Variants in ZNF782 observed in about 807,000 individuals in gnomAD.
ZNF782 encodes the protein zinc finger protein 782.
In ZNF782, 12 loss-of-function variants were observed where a neutral mutation model predicts 13.0. The observed-to-expected ratio is 0.92, with a 90% CI of 0.59 to 1.50. The LOEUF (loss-of-function observed/expected upper bound fraction) is 1.50, where lower values mean the gene tolerates loss of function less well. ZNF782 is among the 40% of genes most tolerant of loss of function. The pLI is 0.00. For missense variants in ZNF782, 770 were observed against 822.9 expected (o/e 0.94, Z 0.79); for synonymous variants, 284 against 283.0 (o/e 1.00, Z -0.04).
chr9:96,860,074 G>A lies in ZNF782; in HGVS notation c.-207+167C>T, dbSNP rs745691297. Among the ~76,000 whole-genome samples, 30 of 152,236 alleles carry A rather than the reference G, an allele frequency of 2.0e-4. 1 individual carries two copies. The highest frequency in any genetic ancestry group is 4.1e-4 in the South Asian group (2 of 4,828). On this transcript the variant is annotated intron_variant, in intron 3 of 5. Transcript: ENST00000498811. ...AGGGGAGAGTGGGAAGGGATTTGCC[G>A]GGTGGATTCAGTGCCAGCTCAGCGA...
At chr9:96,876,251 T>C (rs1288185554), upstream of ZNF782, among the ~76,000 whole-genome samples, 1 of 152,226 alleles carries the variant, frequency 6.6e-6, no homozygotes, top group Non-Finnish European at 1.5e-5. Flanking sequence ...GGAGTTATAT[T>C]GGAAAATACT....
At chr9:96,873,699 C>T (rs957422867) in intron 1 of ZNF782, among the ~76,000 whole-genome samples, 2 of 152,070 alleles carry the variant, frequency 1.3e-5, no homozygotes, top group Non-Finnish European at 2.9e-5. Context: ...CCTTGTCTCA[C>T]ACACACACAC....
At chr9:96,933,370 CTTTT>C in the ZNF782 span, among the ~76,000 whole-genome samples, 1 of 149,646 alleles carries the variant, frequency 6.7e-6, no homozygotes, top group Non-Finnish European at 1.5e-5. Flanking sequence ...GGGTTTAGGT[CTTTT>C]TTGTTTGTTT....
chr9:96,922,871 G>A, the ZNF782 span, among the ~76,000 whole-genome samples: 10 of 150,018 alleles, frequency 6.7e-5, no homozygotes, highest in Admixed American at 1.3e-4. Context: ...CTCACCGGTA[G>A]CACAGGTCAC....
chr9:96,864,164 C>T (rs144435111), intron 1 of ZNF782, among the ~76,000 whole-genome samples: 7 of 149,198 alleles, frequency 4.7e-5, no homozygotes, highest in African/African-American at 1.5e-4. Flanking sequence ...TCAAACTGAG[C>T]AGCTCCTATT....
chr9:96,863,666 A>C (rs1851729826), intron 1 of ZNF782, among the ~76,000 whole-genome samples: 1 of 152,228 alleles, frequency 6.6e-6, no homozygotes, highest in Admixed American at 6.5e-5. Flanking sequence ...TGCACCACGG[A>C]ATACTGCTGA....
chr9:96,818,454 T>C lies in ZNF782; in HGVS notation c.1569A>G (p.Lys523=), dbSNP rs1289191367. The C allele has an allele frequency of 5.0e-6, 8 of 1,613,640 alleles. No homozygotes were observed. The highest frequency in any genetic ancestry group is 6.8e-6 in the Non-Finnish European group (8 of 1,179,886). The change falls in exon 6 of 6, where the codon AAA becomes AAG. Residue 523 remains lysine, a synonymous_variant. Transcript: ENST00000481138. ...TCTCCCCTGTGTGTGTTCTATGATG[T>C]TTCCTCAGGCCTGACTTCAGTTTGA... ...KAFKLKSGLR[K]HHRTHTGEKP...
chr9:96,901,420 C>T, the ZNF782 span, among the ~76,000 whole-genome samples: 1 of 150,806 alleles, frequency 6.6e-6, no homozygotes, highest in Non-Finnish European at 1.5e-5. Flanking sequence ...TACAGATGTG[C>T]ACCACCACGC....
At chr9:96,912,398 C>T in the ZNF782 span, among the ~76,000 whole-genome samples, 2 of 141,500 alleles carry the variant, frequency 1.4e-5, no homozygotes, top group African/African-American at 5.2e-5. Context: ...TAGTGGCGGG[C>T]GCCTGTAATC....
rs752116481 is a variant in ZNF782, at chr9:96,818,206, C to T, written c.1817G>A (p.Arg606Lys). The change falls in exon 6 of 6, where the codon AGA becomes AAA. Residue 606 changes from arginine to lysine, a missense_variant. Arg to Lys is a conservative substitution (Grantham distance 26, BLOSUM62 2). Transcript: ENST00000481138. Reference sequence around the variant, plus strand: ...CCCAGTGTGAGTTCTCTGATGCCCTCTGAGATTTGATTTCTGCCTGAATGT... The same window carrying T: ...CCCAGTGTGAGTTCTCTGATGCCCTTTGAGATTTGATTTCTGCCTGAATGT... The part of the protein sequence containing the change: ...GKTFRQKSNL[R>K]GHQRTHTGEK... 1.9e-6 allele frequency: 3 copies of T among 1,613,716 alleles called. No individual in the cohort carries two copies. The highest frequency in any genetic ancestry group is 2.5e-6 in the Non-Finnish European group (3 of 1,179,906).
chr9:96,865,351 T>C (rs1851744323), intron 1 of ZNF782, among the ~76,000 whole-genome samples: 1 of 152,214 alleles, frequency 6.6e-6, no homozygotes, highest in Admixed American at 6.5e-5. Context: ...GTTCTCATGA[T>C]AGTGAATAAG....
the ZNF782 span, among the ~76,000 whole-genome samples, chr9:96,882,135 G>A: frequency 3.3e-5 from 5 of 151,766 alleles, no homozygotes; most frequent in African/African-American, 4.8e-5. Context: ...TATAGATTGA[G>A]GTGACTAAAG....
chr9:96,925,186 C>T, the ZNF782 span, among the ~76,000 whole-genome samples: 1 of 152,172 alleles, frequency 6.6e-6, no homozygotes, highest in Non-Finnish European at 1.5e-5. Flanking sequence ...GAACCCCGCC[C>T]GCCTCGAGGC....
chr9:96,874,199 C>T (rs917606235), intron 1 of ZNF782, among the ~76,000 whole-genome samples: 4 of 152,188 alleles, frequency 2.6e-5, no homozygotes, highest in African/African-American at 7.2e-5. Context: ...CTGTGTTTGA[C>T]TCGTGGATCT....
chr9:96,869,925 G>T (rs936085921), intron 1 of ZNF782, among the ~76,000 whole-genome samples: 1 of 152,178 alleles, frequency 6.6e-6, no homozygotes, highest in African/African-American at 2.4e-5. Flanking sequence ...GCAAAAGTGT[G>T]CATTCATTAT....
At chr9:96,867,669 C>T (rs139090477) in intron 1 of ZNF782, among the ~76,000 whole-genome samples, 120 of 152,280 alleles carry the variant, frequency 7.9e-4, no homozygotes, top group African/African-American at 2.6e-3. Flanking sequence ...TGGCATCCAC[C>T]GTTTCTCTCA....
the ZNF782 span, among the ~76,000 whole-genome samples, chr9:96,933,004 G>A: frequency 9.1e-5 from 13 of 142,136 alleles, no homozygotes; most frequent in Non-Finnish European, 1.7e-4. Context: ...TTGAGATGGA[G>A]TCTCACTCTG....
At chr9:96,886,050 G>A in the ZNF782 span, among the ~76,000 whole-genome samples, 691 of 152,140 alleles carry the variant, frequency 4.5e-3, 6 homozygotes, top group African/African-American at 0.016. Flanking sequence ...GTCTCCCTAT[G>A]TTGCCCAGGC....
chr9:96,900,029 G>A, the ZNF782 span, among the ~76,000 whole-genome samples: 1 of 152,004 alleles, frequency 6.6e-6, no homozygotes, highest in Non-Finnish European at 1.5e-5. Flanking sequence ...AAACTCCTGG[G>A]CTTAAGCAAT....
Sources: gnomAD v4.1 joint callset for allele counts (sites outside exome capture counted in the v4.1 genomes callset) on GRCh38, gnomAD v4.1.1 for gene constraint, MANE v1.5 for transcripts, NCBI Gene and HGNC (gene_info 2026-07-23, HGNC 2026-07-21) for gene names.